The following ESRP1 variants were observed in gnomAD, a reference collection of about 807,000 sequenced individuals.
ESRP1 encodes RNA-binding motif protein 35A.
A neutral mutation model predicts 81.7 loss-of-function variants in ESRP1; 33 were observed. That is an observed-to-expected ratio of 0.40 (90% confidence interval 0.31 to 0.54). ESRP1 has a LOEUF of 0.54. Ranked by LOEUF, ESRP1 falls within the 20% of genes least tolerant of loss-of-function variation. ESRP1 has a pLI of 0.41. For missense variants in ESRP1, 672 were observed against 833.1 expected (o/e 0.81, Z 2.38); for synonymous variants, 320 against 303.3 (o/e 1.06, Z -0.57).
intron 14 of ESRP1, among the ~76,000 whole-genome samples, chr8:94,695,005 T>C (rs76924765): frequency 0.02 from 3,042 of 152,332 alleles, 96 homozygotes; most frequent in African/African-American, 0.069. Context: ...AAAATCTTTA[T>C]ACCTAACCCA....
At chr8:94,678,426 AGCCAGT>A in intron 13 of ESRP1, 55 bp downstream of exon 13, 1 of 1,573,778 alleles carries the variant, frequency 6.4e-7, no homozygotes, top group Non-Finnish European at 8.7e-7. Context: ...CTCCTTTGAT[AGCCAGT>A]GCAAGAGCTC....
intron 4 of ESRP1, among the ~76,000 whole-genome samples, chr8:94,647,905 G>A (rs1817927290): frequency 1.3e-5 from 2 of 152,138 alleles, no homozygotes; most frequent in Admixed American, 1.3e-4. Flanking sequence ...ACTTTGGGAG[G>A]CTGAGGAGGG....
intron 14 of ESRP1, among the ~76,000 whole-genome samples, chr8:94,695,106 T>C (rs73695521): frequency 0.02 from 3,090 of 152,248 alleles, 98 homozygotes; most frequent in African/African-American, 0.069. Context: ...GAATTCACTA[T>C]GGGGTTCCAT....
Position 94,655,749 on chromosome 8 carries a change from G to C in ESRP1, c.491-6523G>C, listed in dbSNP as rs538194750. ...CTACAAAAAATACAAAAATTAGCCA[G>C]GCATAGTGGCATTCGTCTGTAATAC... On this transcript the variant is annotated intron_variant, in intron 4 of 15. Coordinates refer to ENST00000433389, the MANE Select transcript of ESRP1 (RefSeq NM_017697.4). Among the ~76,000 whole-genome samples the C allele has an allele frequency of 8.5e-5, 13 of 152,136 alleles. No homozygotes were observed. The South Asian group carries it at 2.5e-3, about 29-fold the overall frequency.
intron 9 of ESRP1, among the ~76,000 whole-genome samples, chr8:94,666,324 A>G (rs895402516): frequency 2.0e-5 from 3 of 152,192 alleles, no homozygotes; most frequent in Non-Finnish European, 4.4e-5. Flanking sequence ...GTGTATTTTG[A>G]GAATGGCCTG....
At chr8:94,680,745 C>T (rs563533016) in intron 13 of ESRP1, among the ~76,000 whole-genome samples, 6 of 151,894 alleles carry the variant, frequency 4.0e-5, no homozygotes, top group Admixed American at 6.6e-5. Context: ...TAATTTCTAA[C>T]CTGGCATAAC....
At chr8:94,705,020 G>A (rs1432291170) in intron 15 of ESRP1, among the ~76,000 whole-genome samples, 1 of 151,918 alleles carries the variant, frequency 6.6e-6, no homozygotes, top group Non-Finnish European at 1.5e-5. Context: ...TCTCTAAAAT[G>A]GGGATAACAA....
chr8:94,659,402 C>A (rs558777438), intron 4 of ESRP1, among the ~76,000 whole-genome samples: 6 of 152,274 alleles, frequency 3.9e-5, no homozygotes, highest in Non-Finnish European at 5.9e-5. Context: ...AGGTGGCAAA[C>A]TTAATTGGTC....
chr8:94,672,980 C>G (rs1819407269), intron 11 of ESRP1, among the ~76,000 whole-genome samples: 1 of 152,160 alleles, frequency 6.6e-6, no homozygotes, highest in Admixed American at 6.5e-5. Context: ...GATTTGGTCA[C>G]TTTCATAACT....
At chr8:94,670,339 A>G (rs1819251122) in intron 10 of ESRP1, among the ~76,000 whole-genome samples, 1 of 151,910 alleles carries the variant, frequency 6.6e-6, no homozygotes, top group Non-Finnish European at 1.5e-5. Flanking sequence ...CTAATTTTCT[A>G]TTCTTGTTCT....
At chr8:94,671,285 C>A (rs1819308590) in intron 10 of ESRP1, among the ~76,000 whole-genome samples, 168 bp from the exon 11 acceptor site, 1 of 152,200 alleles carries the variant, frequency 6.6e-6, no homozygotes, top group Admixed American at 6.5e-5. Flanking sequence ...CTTGCATGTA[C>A]TTCTGAATCA....
chr8:94,660,951 G>A (rs780387818), intron 4 of ESRP1, among the ~76,000 whole-genome samples: 1 of 152,050 alleles, frequency 6.6e-6, no homozygotes, highest in Non-Finnish European at 1.5e-5. Flanking sequence ...TCTATGAGTA[G>A]CCATCAACAT....
chr8:94,652,979 C>G (rs1818220586), intron 4 of ESRP1, among the ~76,000 whole-genome samples: 1 of 152,154 alleles, frequency 6.6e-6, no homozygotes, highest in African/African-American at 2.4e-5. Context: ...TAGGTTATCT[C>G]CCTTTTAAGT....
chr8:94,645,736 A>G (rs573346167), intron 3 of ESRP1, among the ~76,000 whole-genome samples: 1 of 152,338 alleles, frequency 6.6e-6, no homozygotes, highest in South Asian at 2.1e-4. Context: ...AGAACCCAAT[A>G]GTTAGAACTA....
rs111267704 is a variant in ESRP1, at chr8:94,673,722, A to G, written c.1453-586A>G. Among the ~76,000 whole-genome samples the G allele has an allele frequency of 3.5e-3, 539 of 152,302 alleles. 5 individuals are homozygous for G. The highest frequency in any genetic ancestry group is 0.012 in the African/African-American group (516 of 41,566). ...GAAGGGCTCCCAAGCAAGGCTGATG[A>G]TACATACAGCTCTCACAAATCATCA... On this transcript the variant is annotated intron_variant, in intron 11 of 15. Coordinates refer to ENST00000433389, the MANE Select transcript of ESRP1 (RefSeq NM_017697.4).
chr8:94,699,641 C>T (rs927827071), intron 15 of ESRP1, among the ~76,000 whole-genome samples: 2 of 151,446 alleles, frequency 1.3e-5, no homozygotes, highest in Non-Finnish European at 2.9e-5. Context: ...GACCCTGTCT[C>T]AAAACAAAAA....
intron 11 of ESRP1, among the ~76,000 whole-genome samples, chr8:94,672,047 A>G (rs925926252): frequency 3.0e-4 from 45 of 152,300 alleles, no homozygotes; most frequent in African/African-American, 1.1e-3. Flanking sequence ...CATGACATAT[A>G]TTATCAGTCT....
In ESRP1 at chr8:94,662,327, A is replaced by C. The variant is rs201719652; in HGVS notation, c.546A>C (p.Glu182Asp). The change falls in exon 5 of 16, where the codon GAA becomes GAC. Residue 182 changes from glutamate (E) to aspartate (D), a missense_variant. Physicochemically the swap from Glu to Asp is conservative, Grantham distance 45 (BLOSUM62 2). Transcript: ENST00000433389. The stretch of plus-strand genomic sequence containing the variant: ...CTCGATATGGAGCCTCTCAAGTTGA[A>C]GATATGGGGAATATAATTTTAGCAA... ...SVSRYGASQV[E>D]DMGNIILAMI... The C allele has an allele frequency of 4.3e-5, 68 of 1,585,654 alleles. No individual in the cohort carries two copies. The African/African-American group carries it at 8.0e-4, about 19-fold the overall frequency.
At position 94,701,938 on chromosome 8, in the gene ESRP1, T is replaced by G. The variant is rs6992355; in HGVS notation, c.*36-3987T>G. ...TACAAAAAATTAAAAGATAGCCAGGTGTCGTCATGCATGCCTGTAGTCCAA... is the reference window on the plus strand; with the variant it reads ...TACAAAAAATTAAAAGATAGCCAGGGGTCGTCATGCATGCCTGTAGTCCAA... On this transcript the variant is annotated intron_variant, in intron 15 of 15. Transcript: ENST00000433389. Among the ~76,000 whole-genome samples the G allele has an allele frequency of 1.7e-3, 263 of 152,258 alleles. 1 individual carries two copies. Among genetic ancestry groups the G allele is most frequent in the African/African-American group, 6.1e-3 (255 of 41,542 alleles).
Sources: allele counts gnomAD v4.1 joint callset (sites outside exome capture counted in the v4.1 genomes callset), GRCh38; gene constraint gnomAD v4.1.1; transcripts MANE v1.5; gene names NCBI Gene and HGNC (gene_info 2026-07-23, HGNC 2026-07-21).